Variants in AR observed in about 807,000 individuals in gnomAD.
The protein encoded by AR is dihydrotestosterone receptor.
A neutral mutation model predicts 53.9 loss-of-function variants in AR; 8 were observed. That is an observed-to-expected ratio of 0.15 (90% confidence interval 0.09 to 0.27). The LOEUF (loss-of-function observed/expected upper bound fraction) is 0.27. AR is among the 10% of genes least tolerant of loss of function. The probability of loss-of-function intolerance (pLI) is 1.00; values close to 1 mark genes in which losing one functional copy is unlikely to be tolerated. For synonymous variants in AR, 359 were observed against 316.4 expected (o/e 1.13, Z -1.43); for missense variants, 639 against 742.5 (o/e 0.86, Z 1.62).
intron 1 of AR, among the ~76,000 whole-genome samples, chrX:67,625,692 G>A (rs987960995): frequency 1.8e-5 from 2 of 111,230 alleles, no homozygotes; most frequent in African/African-American, 6.5e-5. Context: ...TGGAAAAATT[G>A]GATATCCACA....
At chrX:67,565,419 A>G (rs917572162) in intron 1 of AR, among the ~76,000 whole-genome samples, 2 of 111,509 alleles carry the variant, frequency 1.8e-5, no homozygotes, top group African/African-American at 6.5e-5. Context: ...TGGCTTTGTT[A>G]TAGTTAGTTG....
intron 2 of AR, among the ~76,000 whole-genome samples, chrX:67,643,687 A>G (rs1235340459): frequency 8.9e-6 from 1 of 111,961 alleles, no homozygotes; most frequent in African/African-American, 3.2e-5. Flanking sequence ...TAATGATTTG[A>G]AAAGATTTAA....
At chrX:67,647,971 T>G (rs747736999) in intron 2 of AR, among the ~76,000 whole-genome samples, 3 of 112,420 alleles carry the variant, frequency 2.7e-5, no homozygotes, top group Non-Finnish European at 5.6e-5. Context: ...TCTTAGCTCT[T>G]TGGGCCTCAC....
chrX:67,598,823 A>T, intron 1 of AR, among the ~76,000 whole-genome samples: 1 of 110,227 alleles, frequency 9.1e-6, no homozygotes, highest in East Asian at 2.9e-4. Flanking sequence ...TGAGGCAAAG[A>T]ATGTCTTCTT....
intron 1 of AR, among the ~76,000 whole-genome samples, chrX:67,615,696 A>G (rs1330642436): frequency 1.8e-5 from 2 of 111,852 alleles, no homozygotes; most frequent in Non-Finnish European, 3.8e-5. Flanking sequence ...TCAATTTCTT[A>G]AAGCACTATC....
At chrX:67,577,097 C>T (rs886978755) in intron 1 of AR, among the ~76,000 whole-genome samples, 8 of 106,442 alleles carry the variant, frequency 7.5e-5, no homozygotes, top group East Asian at 3.0e-4. Context: ...AAACCCTCTG[C>T]CCATTAGCAG....
intron 1 of AR, among the ~76,000 whole-genome samples, chrX:67,622,668 G>A (rs1011290861): frequency 2.7e-5 from 3 of 111,562 alleles, no homozygotes; most frequent in East Asian, 5.6e-4. Context: ...TAGGGCCATG[G>A]ACACCCCCAT....
chrX:67,722,850 C>A lies in AR; in HGVS notation c.2473C>A (p.Gln825Lys). ...SIIPVDGLKNQKFFDELRMNY... is the reference protein window; with the variant it reads ...SIIPVDGLKNKKFFDELRMNY... ...AGTTCCAGTGGATGGGCTGAAAAAT[C>A]AAAAATTCTTTGATGAACTTCGAAT... Residue 825 changes from glutamine (Q) to lysine (K), a missense_variant, in exon 7 of 8, where the codon CAA (glutamine) becomes AAA (lysine). Physicochemically the swap from Gln to Lys is moderately conservative, Grantham distance 53. This residue lies in a region of AR where 95 missense variants were observed against 196.4 expected (regional missense o/e 0.48). Transcript: ENST00000374690. 1 of 1,211,280 alleles carries A rather than the reference C, an allele frequency of 8.3e-7. No individual in the cohort carries two copies. Among genetic ancestry groups the A allele is most frequent in the Non-Finnish European group, 1.1e-6 (1 of 895,318 alleles).
chrX:67,644,728 A>G (rs1322532079), intron 2 of AR, among the ~76,000 whole-genome samples: 1 of 111,691 alleles, frequency 9.0e-6, no homozygotes, highest in Non-Finnish European at 1.9e-5. Context: ...GTTTTCTTCC[A>G]GTCCTCAGGG....
intron 3 of AR, among the ~76,000 whole-genome samples, chrX:67,706,290 G>A (rs1025404846): frequency 1.8e-5 from 2 of 111,157 alleles, no homozygotes; most frequent in Non-Finnish European, 1.9e-5. Context: ...ACTTTTTTTG[G>A]CTGGTAAGCT....
At chrX:67,631,766 G>A (rs1184520863) in intron 1 of AR, among the ~76,000 whole-genome samples, 1 of 112,153 alleles carries the variant, frequency 8.9e-6, no homozygotes, top group Non-Finnish European at 1.9e-5. Flanking sequence ...CCATCTTTGT[G>A]GTTTTATCTA....
At chrX:67,673,780 A>G (rs1163640437) in intron 2 of AR, among the ~76,000 whole-genome samples, 2 of 110,580 alleles carry the variant, frequency 1.8e-5, no homozygotes, top group Non-Finnish European at 3.8e-5. Context: ...TTTTTCCAGG[A>G]TTGCTATCTG....
chrX:67,628,958 G>A (rs1325314323), intron 1 of AR, among the ~76,000 whole-genome samples: 1 of 111,434 alleles, frequency 9.0e-6, no homozygotes, highest in African/African-American at 3.3e-5. Flanking sequence ...TGCGTATATT[G>A]AACCAGCCTT....
chrX:67,663,573 C>T lies in AR; in HGVS notation c.1768+20166C>T, dbSNP rs755674110. Among the ~76,000 whole-genome samples the T allele has an allele frequency of 4.9e-4, 55 of 111,909 alleles. 1 individual carries two copies. In the South Asian group the frequency reaches 0.02, roughly 41 times the overall value. ...GCCTTTAACATTTTTTCCTTCATTT[C>T]AACTTTGGTGAATCTGACAATTATG... On this transcript the variant is annotated intron_variant, in intron 2 of 7. Transcript: ENST00000374690.
At chrX:67,583,856 C>T (rs926482731) in intron 1 of AR, among the ~76,000 whole-genome samples, 3 of 111,759 alleles carry the variant, frequency 2.7e-5, no homozygotes, top group Admixed American at 9.5e-5. Flanking sequence ...GTGATCTATA[C>T]ATTTTGAGGT....
chrX:67,657,302 G>C (rs769613209), intron 2 of AR, among the ~76,000 whole-genome samples: 2 of 110,526 alleles, frequency 1.8e-5, no homozygotes, highest in East Asian at 5.8e-4. Flanking sequence ...CTTTACTCAG[G>C]GTATCTCTTC....
At chrX:67,682,715 G>A (rs1196335689) in intron 2 of AR, among the ~76,000 whole-genome samples, 4 of 111,780 alleles carry the variant, frequency 3.6e-5, no homozygotes, top group African/African-American at 1.3e-4. Flanking sequence ...AGAAATAATA[G>A]CATCCCAATG....
intron 1 of AR, among the ~76,000 whole-genome samples, chrX:67,639,996 A>G (rs1021922301): frequency 9.0e-6 from 1 of 111,487 alleles, no homozygotes; most frequent in Non-Finnish European, 1.9e-5. Context: ...ATATTCCATC[A>G]ATACCTAGTT....
chrX:67,700,691 A>T (rs2076038787), intron 3 of AR, among the ~76,000 whole-genome samples: 1 of 111,707 alleles, frequency 9.0e-6, no homozygotes. Flanking sequence ...GGATGTGAGA[A>T]TACCAGCCAA....
Sources: gnomAD v4.1 joint callset for allele counts (sites outside exome capture counted in the v4.1 genomes callset) on GRCh38, gnomAD v4.1.1 for gene constraint, gnomAD v4.1.1 regional missense constraint, MANE v1.5 for transcripts, NCBI Gene and HGNC (gene_info 2026-07-23, HGNC 2026-07-21) for gene names.